Variants in LOC400499 observed in about 807,000 individuals in gnomAD.
the LOC400499 span, among the ~76,000 whole-genome samples, chr16:11,515,126 C>A: frequency 6.6e-6 from 1 of 152,036 alleles, no homozygotes; most frequent in Non-Finnish European, 1.5e-5. Context: ...GGCAACATAG[C>A]AAGACATTAT....
chr16:11,393,300 T>C, the LOC400499 span: 1 of 1,096,364 alleles, frequency 9.1e-7, no homozygotes, highest in Non-Finnish European at 1.2e-6. Flanking sequence ...AGCCCCGACT[T>C]CTGAAATCTT....
the LOC400499 span, chr16:11,390,122 C>T: frequency 7.3e-6 from 9 of 1,232,140 alleles, no homozygotes; most frequent in African/African-American, 1.2e-4. Context: ...ACAGGCTGTA[C>T]AGGTCCAGCA....
the LOC400499 span, chr16:11,462,284 G>GCA: frequency 6.6e-7 from 1 of 1,507,194 alleles, no homozygotes; most frequent in Non-Finnish European, 8.9e-7. Context: ...ACCCATGGCT[G>GCA]GCTGCAGGTC....
the LOC400499 span, among the ~76,000 whole-genome samples, chr16:11,421,133 C>T: frequency 2.6e-5 from 4 of 152,200 alleles, no homozygotes; most frequent in Non-Finnish European, 4.4e-5. Context: ...GGCACTCAGG[C>T]TCAGGGCAGA....
the LOC400499 span, among the ~76,000 whole-genome samples, chr16:11,432,113 C>G: frequency 1.3e-5 from 2 of 152,184 alleles, no homozygotes; most frequent in Admixed American, 1.3e-4. Flanking sequence ...GTAAAGGAAG[C>G]CTTCCTGGAC....
At chr16:11,416,959 C>T in the LOC400499 span, among the ~76,000 whole-genome samples, 2 of 152,044 alleles carry the variant, frequency 1.3e-5, no homozygotes, top group African/African-American at 2.4e-5. Flanking sequence ...CCTGTGTGAT[C>T]GGGACGGCTG....
the LOC400499 span, among the ~76,000 whole-genome samples, chr16:11,391,311 T>C: frequency 5.9e-5 from 9 of 152,266 alleles, no homozygotes; most frequent in East Asian, 1.9e-4. Flanking sequence ...CCTGGCCACA[T>C]TGAGCTCATC....
chr16:11,501,441 G>A, the LOC400499 span, among the ~76,000 whole-genome samples: 1,018 of 152,176 alleles, frequency 6.7e-3, 14 homozygotes, highest in African/African-American at 0.023. Flanking sequence ...CACTGTAGCC[G>A]CCACCTCCTG....
chr16:11,497,873 G>A, the LOC400499 span, among the ~76,000 whole-genome samples: 1 of 151,958 alleles, frequency 6.6e-6, no homozygotes, highest in Non-Finnish European at 1.5e-5. Flanking sequence ...CAATCTTAAT[G>A]CAAAAATCTC....
At chr16:11,462,572 G>A in the LOC400499 span, 4 of 298,042 alleles carry the variant, frequency 1.3e-5, no homozygotes, top group South Asian at 3.9e-4. Context: ...ACAGTCACGT[G>A]CCACCACACC....
chr16:11,479,780 A>C, the LOC400499 span, among the ~76,000 whole-genome samples: 10 of 152,274 alleles, frequency 6.6e-5, no homozygotes, highest in Middle Eastern at 6.8e-3. Flanking sequence ...TCTATCAACT[A>C]AACTCCAGAG....
chr16:11,472,786 C>G, the LOC400499 span: 16 of 152,268 alleles, frequency 1.1e-4, no homozygotes, highest in African/African-American at 3.9e-4. Flanking sequence ...AGAGCAGCAC[C>G]AGGCCTACAG....
At chr16:11,501,990 G>C in the LOC400499 span, 907 of 397,482 alleles carry the variant, frequency 2.3e-3, 6 homozygotes, top group African/African-American at 0.017. Flanking sequence ...CCCTCACTGG[G>C]AACCCAGGAC....
chr16:11,412,898 G>A, the LOC400499 span: 1 of 399,124 alleles, frequency 2.5e-6, no homozygotes, highest in African/African-American at 2.1e-5. Flanking sequence ...AGAATCGCAG[G>A]TCAGCTGCAG....
the LOC400499 span, among the ~76,000 whole-genome samples, chr16:11,509,219 G>A: frequency 1.3e-5 from 2 of 149,412 alleles, no homozygotes; most frequent in East Asian, 2.0e-4. Context: ...CTGGGTTCAC[G>A]CCGTTCTCCT....
chr16:11,477,837 C>T, the LOC400499 span: 2 of 398,860 alleles, frequency 5.0e-6, no homozygotes, highest in African/African-American at 2.1e-5. Context: ...TTGACATAAC[C>T]ATTCACAGAG....
chr16:11,401,113 C>T, the LOC400499 span, among the ~76,000 whole-genome samples: 6 of 152,230 alleles, frequency 3.9e-5, no homozygotes, highest in Admixed American at 1.3e-4. Context: ...TCCCAGAGAT[C>T]CCCAGGCTTC....
At chr16:11,460,022 G>A in the LOC400499 span, 4 of 1,481,120 alleles carry the variant, frequency 2.7e-6, no homozygotes, top group South Asian at 5.5e-5. Context: ...GTGAGTGCAG[G>A]TGGCCCGAGT....
At chr16:11,373,659 G>A in the LOC400499 span, among the ~76,000 whole-genome samples, 5 of 150,166 alleles carry the variant, frequency 3.3e-5, no homozygotes, top group African/African-American at 7.3e-5. Flanking sequence ...TTGCTCTGTC[G>A]CCCAGGCTGG....
Sources: allele counts gnomAD v4.1 joint callset (sites outside exome capture counted in the v4.1 genomes callset), GRCh38; gene constraint gnomAD v4.1.1; transcripts MANE v1.5.